Variants in RFX4 observed in about 807,000 individuals in gnomAD.
RFX4 encodes transcription factor RFX4.
RFX4 carries 10 observed loss-of-function variants against 95.0 expected under a neutral mutation model. The ratio of observed to expected loss-of-function variants is 0.11; its 90% CI spans 0.06 to 0.18. RFX4 has a LOEUF of 0.18. Ranked by LOEUF, RFX4 falls within the 10% of genes least tolerant of loss-of-function variation. The pLI is 1.00. For missense variants in RFX4, 640 were observed against 922.0 expected (o/e 0.69, Z 3.96); for synonymous variants, 321 against 340.7 (o/e 0.94, Z 0.64).
rs1329919154 is a variant in RFX4 at position 106,586,551 on chromosome 12, G to C, written c.43+3188G>C. Reference sequence around the variant, plus strand: ...TAAAACGGGATGGCGCGTTAGAGAGGGCCACTGCCAAGCTGGAGCTGGAAA... The same window carrying C: ...TAAAACGGGATGGCGCGTTAGAGAGCGCCACTGCCAAGCTGGAGCTGGAAA... On this transcript the variant is annotated intron_variant, in intron 1 of 17. Coordinates refer to ENST00000392842, the MANE Select transcript of RFX4 (RefSeq NM_213594.3). The surrounding 1 kb of genome is among the most constrained non-coding windows in gnomAD (Gnocchi z 5.6). 6.6e-6 allele frequency among the ~76,000 whole-genome samples: 1 copy of C among 151,508 alleles called. No homozygotes were observed. Among genetic ancestry groups the C allele is most frequent in the African/African-American group, 2.4e-5 (1 of 41,180 alleles).
chr12:106,600,536 C>A (rs187352585), intron 1 of RFX4, among the ~76,000 whole-genome samples: 6 of 152,222 alleles, frequency 3.9e-5, no homozygotes, highest in Admixed American at 3.9e-4. Flanking sequence ...TGCATGGTAT[C>A]CCATAAATAG....
chr12:106,658,550 G>A (rs573666790), intron 4 of RFX4, among the ~76,000 whole-genome samples: 8 of 152,316 alleles, frequency 5.3e-5, no homozygotes, highest in African/African-American at 1.9e-4. Context: ...TTTGCTCTGG[G>A]AAAGAGGGGT....
chr12:106,640,524 G>A (rs951315974), intron 3 of RFX4, among the ~76,000 whole-genome samples: 4 of 152,238 alleles, frequency 2.6e-5, no homozygotes, highest in Admixed American at 6.5e-5. Flanking sequence ...GAATAGCAAA[G>A]GTTGTTTTCA....
intron 8 of RFX4, among the ~76,000 whole-genome samples, chr12:106,706,798 G>T (rs894466320): frequency 6.6e-6 from 1 of 152,150 alleles, no homozygotes; most frequent in African/African-American, 2.4e-5. Context: ...GACCTTGTTT[G>T]GATCCTGATT....
intron 8 of RFX4, among the ~76,000 whole-genome samples, chr12:106,706,024 CA>C (rs2042078278): frequency 6.6e-6 from 1 of 152,230 alleles, no homozygotes; most frequent in African/African-American, 2.4e-5. Context: ...GAGGAATCAT[CA>C]GGGGTGCTGA....
intron 3 of RFX4, among the ~76,000 whole-genome samples, chr12:106,645,320 G>A (rs1267918016): frequency 6.6e-6 from 1 of 151,788 alleles, no homozygotes; most frequent in Non-Finnish European, 1.5e-5. Flanking sequence ...CCGCAGTCCC[G>A]GCCTACTTGC....
At chr12:106,751,685 C>T (rs1380154572) in intron 17 of RFX4, among the ~76,000 whole-genome samples, 1 of 151,004 alleles carries the variant, frequency 6.6e-6, no homozygotes, top group African/African-American at 2.4e-5. Flanking sequence ...CTCTGATGGC[C>T]AGTGATGGTG....
intron 1 of RFX4, among the ~76,000 whole-genome samples, chr12:106,599,335 G>T (rs2039665794): frequency 6.6e-6 from 1 of 152,122 alleles, no homozygotes; most frequent in Admixed American, 6.5e-5. Flanking sequence ...GTTAGACACA[G>T]CTTAGAATTC....
intron 4 of RFX4, among the ~76,000 whole-genome samples, chr12:106,677,145 A>C (rs1249915986): frequency 6.6e-6 from 1 of 152,176 alleles, no homozygotes; most frequent in African/African-American, 2.4e-5. Flanking sequence ...CCAGGACTGG[A>C]ACCCGGGTGA....
At chr12:106,675,857 T>A (rs943689720) in intron 4 of RFX4, among the ~76,000 whole-genome samples, 1 of 152,106 alleles carries the variant, frequency 6.6e-6, no homozygotes, top group African/African-American at 2.4e-5. Flanking sequence ...TTCCATTCCG[T>A]ATGGCCGGAG....
intron 3 of RFX4, among the ~76,000 whole-genome samples, chr12:106,642,663 A>G (rs944399099): frequency 6.6e-6 from 1 of 152,168 alleles, no homozygotes; most frequent in Admixed American, 6.5e-5. Context: ...AATGCATTAG[A>G]TAGTGAGAAG....
At chr12:106,585,205 T>C (rs1416490848) in intron 1 of RFX4, among the ~76,000 whole-genome samples, 1 of 152,214 alleles carries the variant, frequency 6.6e-6, no homozygotes, top group East Asian at 1.9e-4. Context: ...GGCTTTTAGC[T>C]GCCTCCTCCA....
rs557708822 is a variant in RFX4, at chr12:106,705,047, C to G, written c.834-4283C>G. Among the ~76,000 whole-genome samples, 4 of 152,242 alleles carry G rather than the reference C, an allele frequency of 2.6e-5. No homozygotes were observed. The East Asian group carries it at 7.7e-4, about 29-fold the overall frequency. ...GACAGCGGTTGTAAGTCAGATAGAC[C>G]TGGGCTTTACTCCTGGCTCTGCCAC... is the stretch of plus-strand genomic sequence containing the variant. On this transcript the variant is annotated intron_variant, in intron 8 of 17. Transcript: ENST00000392842.
intron 2 of RFX4, among the ~76,000 whole-genome samples, chr12:106,638,311 C>T (rs1203196774): frequency 2.6e-5 from 4 of 152,138 alleles, no homozygotes; most frequent in Admixed American, 2.0e-4. Flanking sequence ...CCTGGCCTTA[C>T]ATTGAATTTT....
At chr12:106,611,969 T>C (rs1281011556) in intron 2 of RFX4, among the ~76,000 whole-genome samples, 2 of 152,258 alleles carry the variant, frequency 1.3e-5, no homozygotes, top group South Asian at 2.1e-4. Flanking sequence ...TATTATTCCA[T>C]TGGTCTATAT....
chr12:106,583,572 A>G, intron 1 of RFX4: 2 of 437,988 alleles, frequency 4.6e-6, no homozygotes, highest in Non-Finnish European at 7.9e-6. Flanking sequence ...GTGATTGTGT[A>G]CGTGTGTGAG....
chr12:106,653,861 T>G (rs962292829), intron 3 of RFX4, among the ~76,000 whole-genome samples: 1 of 152,236 alleles, frequency 6.6e-6, no homozygotes. Context: ...CAAGTTGGTC[T>G]GTGGTTCCAT....
chr12:106,670,853 A>C (rs1388542902), intron 4 of RFX4, among the ~76,000 whole-genome samples: 1 of 152,216 alleles, frequency 6.6e-6, no homozygotes, highest in Non-Finnish European at 1.5e-5. Context: ...TTATTGTCAA[A>C]AGAAAGAAAG....
intron 11 of RFX4, among the ~76,000 whole-genome samples, chr12:106,717,295 G>C (rs2042312541): frequency 6.6e-6 from 1 of 152,174 alleles, no homozygotes. Context: ...AATCTTCCTA[G>C]CAGTGTTAGA....
Sources: allele counts gnomAD v4.1 joint callset (sites outside exome capture counted in the v4.1 genomes callset), GRCh38; gene constraint gnomAD v4.1.1; non-coding constraint Gnocchi (gnomAD v3.1); transcripts MANE v1.5; gene names NCBI Gene and HGNC (gene_info 2026-07-23, HGNC 2026-07-21).